The following TTC3 variants were observed in gnomAD, a reference collection of about 807,000 sequenced individuals.
The protein encoded by TTC3 is E3 ubiquitin-protein ligase TTC3.
Under a neutral mutation model 249.6 loss-of-function variants are expected in TTC3, and 180 were observed. The ratio of observed to expected loss-of-function variants is 0.72; its 90% CI spans 0.64 to 0.82. The LOEUF is 0.82. Among genes scored for constraint, TTC3 ranks in the 40% least tolerant of loss-of-function variants. The pLI is 0.00. For missense variants in TTC3, 2,061 were observed against 2,398.4 expected, an observed-to-expected ratio of 0.86 and a Z score of 2.94; for synonymous variants, 717 against 805.0, an observed-to-expected ratio of 0.89 and a Z score of 1.85.
At chr21:37,200,452 C>G (rs1420371365) in intron 45 of TTC3, 128 bp downstream of exon 45, 2 of 1,027,280 alleles carry the variant, frequency 1.9e-6, no homozygotes, top group Admixed American at 4.8e-5. Context: ...TTGCAAACCT[C>G]CCGTGTCAGT....
At chr21:37,147,683 G>A (rs2079096492) in intron 22 of TTC3, 80 bp downstream of exon 22, 1 of 1,502,102 alleles carries the variant, frequency 6.7e-7, no homozygotes, top group South Asian at 1.3e-5. Context: ...GTAATTGGAG[G>A]CACCCAAGTT....
At chr21:37,127,858 G>A (rs947440842) in intron 15 of TTC3, among the ~76,000 whole-genome samples, 4 of 152,192 alleles carry the variant, frequency 2.6e-5, no homozygotes, top group Admixed American at 1.3e-4. Context: ...CGTAATGATA[G>A]GGAGGGGAAA....
chr21:37,086,114 A>T (rs2072434483), intron 1 of TTC3: 1 of 152,260 alleles, frequency 6.6e-6, no homozygotes, highest in Non-Finnish European at 1.5e-5. Flanking sequence ...GATTGTTATT[A>T]TTCTTCACTT....
At chr21:37,161,938 A>G (rs2080797651) in intron 30 of TTC3, 52 bp from the exon 31 acceptor site, 1 of 1,080,980 alleles carries the variant, frequency 9.3e-7, no homozygotes, top group Admixed American at 2.5e-5. Flanking sequence ...TTTTCTCTTT[A>G]ATGGAATTTT....
chr21:37,201,833 G>T (rs1247505303), exon 46 of TTC3: 3 of 475,032 alleles, frequency 6.3e-6, no homozygotes, highest in East Asian at 8.2e-5. Flanking sequence ...GCTCTTTGAG[G>T]TGGGTGGCTT....
intron 41 of TTC3, 100 bp from the exon 42 acceptor site, chr21:37,195,575 T>TGC: frequency 6.8e-7 from 1 of 1,481,318 alleles, no homozygotes; most frequent in South Asian, 1.4e-5. Context: ...ACGGAGCCTC[T>TGC]GCGCTGCGTT....
intron 30 of TTC3, among the ~76,000 whole-genome samples, chr21:37,161,103 TA>T (rs397805488): frequency 6.7e-4 from 99 of 146,922 alleles, no homozygotes; most frequent in Admixed American, 1.2e-3. Flanking sequence ...TATTTCTGAG[TA>T]AAAAAAAAAA....
Position 37,081,182 on chromosome 21 carries a change from A to G in TTC3, c.-11-6065A>G, listed in dbSNP as rs571207606. 5.3e-3 allele frequency among the ~76,000 whole-genome samples: 661 copies of G among 123,738 alleles called. 5 individuals carry two copies. Among genetic ancestry groups the G allele is most frequent in the Middle Eastern group, 0.021 (3 of 146 alleles). The allele number at this position is 123,738 out of a possible 152,430, so 81.2% of individuals were successfully genotyped here. A position where few individuals can be genotyped will look rare whatever the true frequency, so the allele number is the denominator to read the frequency against. ...TGTTAGGCTGGAGTGCAGTGGCGCC[A>G]TCTTGGCTCATTGCAACCTCCGCCT... On this transcript the variant is annotated intron_variant, in intron 1 of 45. Transcript: ENST00000355666.
intron 25 of TTC3, 39 bp downstream of exon 25, chr21:37,150,923 C>T: frequency 1.4e-6 from 2 of 1,395,412 alleles, no homozygotes; most frequent in Non-Finnish European, 2.0e-6. Flanking sequence ...TTGATGATGT[C>T]TCTTAGAATA....
At chr21:37,083,771 A>T (rs945788729) in intron 1 of TTC3, 8 of 152,182 alleles carry the variant, frequency 5.3e-5, no homozygotes, top group Admixed American at 3.3e-4. Context: ...CTTGGTTAAG[A>T]TCCTGTAGTA....
rs2076922693 is a variant in TTC3, at chr21:37,124,761, TAC to T, written c.1233+21_1233+22del. Reference sequence around the variant, plus strand: ...TCTAAAGGTAAGCTCCATTGAAAACTACAGTTTTTTTCAAGGATAGATAGTCT... The same window carrying T: ...TCTAAAGGTAAGCTCCATTGAAAACTAGTTTTTTTCAAGGATAGATAGTCT... On this transcript the variant is annotated intron_variant, in intron 14 of 45. Transcript: ENST00000355666. 1.2e-6 allele frequency: 2 copies of T among 1,605,938 alleles called. No individual in the cohort carries two copies. Among genetic ancestry groups the T allele is most frequent in the East Asian group, 2.2e-5 (1 of 44,616 alleles).
intron 10 of TTC3, among the ~76,000 whole-genome samples, chr21:37,104,413 A>G (rs1263146099): frequency 6.6e-6 from 1 of 151,998 alleles, no homozygotes; most frequent in Non-Finnish European, 1.5e-5. Flanking sequence ...AACATGGTGA[A>G]ACCCTTTCTC....
Position 37,162,074 on chromosome 21 carries a change from T to C in TTC3, c.3170+11T>C. On this transcript the variant is annotated intron_variant, in intron 31 of 45. Transcript: ENST00000355666. ...AAGTGAAGACCATAGGTAAGTATAA[T>C]TTTTAAATTTTTGCTTCATTTTAAC... 1 of 1,500,564 alleles carries C rather than the reference T, an allele frequency of 6.7e-7. No individual in the cohort carries two copies. The highest frequency in any genetic ancestry group is 2.3e-5 in the East Asian group (1 of 43,788). 93.0% of individuals were successfully genotyped at this position (1,500,564 alleles called of 1,614,324 possible). A position where few individuals can be genotyped will look rare whatever the true frequency, so the allele number is the denominator to read the frequency against.
intron 35 of TTC3, among the ~76,000 whole-genome samples, chr21:37,180,998 A>T (rs1045819399): frequency 8.5e-5 from 13 of 152,224 alleles, no homozygotes; most frequent in Non-Finnish European, 1.6e-4. Context: ...GTAATATAGC[A>T]GATACAGTTG....
At chr21:37,076,644 T>C (rs1256517851) in intron 1 of TTC3, among the ~76,000 whole-genome samples, 1 of 151,778 alleles carries the variant, frequency 6.6e-6, no homozygotes, top group East Asian at 1.9e-4. Flanking sequence ...TGTGGAATCT[T>C]ACTATGGCAT....
At chr21:37,152,667 C>T (rs2079594104) in intron 26 of TTC3, among the ~76,000 whole-genome samples, 1 of 152,154 alleles carries the variant, frequency 6.6e-6, no homozygotes, top group Non-Finnish European at 1.5e-5. Flanking sequence ...CATGAGCCAC[C>T]ACGCCTGGCC....
intron 39 of TTC3, among the ~76,000 whole-genome samples, chr21:37,190,227 C>T (rs556322807): frequency 1.8e-4 from 26 of 147,096 alleles, no homozygotes; most frequent in African/African-American, 5.8e-4. Flanking sequence ...CTGCAACCTC[C>T]GCCTCCTGGG....
intron 28 of TTC3, among the ~76,000 whole-genome samples, chr21:37,158,414 TC>T (rs1344656437): frequency 2.0e-5 from 3 of 152,234 alleles, no homozygotes; most frequent in Non-Finnish European, 4.4e-5. Context: ...TTATTGGCAA[TC>T]CCAATGGATT....
intron 10 of TTC3, 62 bp downstream of exon 10, chr21:37,096,705 C>A: frequency 7.5e-7 from 1 of 1,334,498 alleles, no homozygotes; most frequent in East Asian, 2.3e-5. Flanking sequence ...TTTTGGGAAA[C>A]GTTTCTGTTT....
Sources: allele counts gnomAD v4.1 joint callset (sites outside exome capture counted in the v4.1 genomes callset), GRCh38; gene constraint gnomAD v4.1.1; transcripts MANE v1.5; gene names NCBI Gene and HGNC (gene_info 2026-07-23, HGNC 2026-07-21).